Variants in ERI3 observed in about 807,000 individuals in gnomAD.
The protein encoded by ERI3 is ERI1 exoribonuclease family member 3.
ERI3 carries 18 observed loss-of-function variants against 44.4 expected under a neutral mutation model. The observed-to-expected ratio is 0.41, with a 90% confidence interval of 0.28 to 0.60. The LOEUF (loss-of-function observed/expected upper bound fraction) is 0.60. Ranked by LOEUF, ERI3 falls within the 20% of genes least tolerant of loss-of-function variation. The pLI, the probability that ERI3 is intolerant of heterozygous loss-of-function variation, is 0.36. For missense variants in ERI3, 294 were observed against 435.5 expected (o/e 0.68, Z 2.89); for synonymous variants, 183 against 164.8 (o/e 1.11, Z -0.84).
chr1:44,273,007 G>A lies in ERI3; in HGVS notation c.831+11828C>T, dbSNP rs74484592. On this transcript the variant is annotated intron_variant, in intron 7 of 8. Coordinates refer to ENST00000372257, the MANE Select transcript of ERI3 (RefSeq NM_024066.3). ...GAAGAACGAAGGGAATGTCTGTGGC[G>A]TTTTCTGACATTGCTAATAGCTCCT... is the stretch of plus-strand genomic sequence containing the variant. Among the ~76,000 whole-genome samples the A allele has an allele frequency of 7.9e-5, 12 of 152,124 alleles. No homozygotes were observed. The East Asian group carries it at 9.7e-4, about 12-fold the overall frequency.
At chr1:44,348,499 C>A (rs970232378) in intron 2 of ERI3, among the ~76,000 whole-genome samples, 3 of 152,232 alleles carry the variant, frequency 2.0e-5, no homozygotes, top group South Asian at 2.1e-4. Context: ...TTTGATTTTA[C>A]CTGTAGCTGT....
intron 7 of ERI3, among the ~76,000 whole-genome samples, chr1:44,265,519 G>C (rs934192623): frequency 6.6e-6 from 1 of 152,146 alleles, no homozygotes; most frequent in Non-Finnish European, 1.5e-5. Context: ...TTCTCACGGA[G>C]CTCACAATGT....
chr1:44,229,357 C>T (rs1252331901), intron 8 of ERI3, among the ~76,000 whole-genome samples: 5 of 152,176 alleles, frequency 3.3e-5, no homozygotes, highest in Non-Finnish European at 7.3e-5. Context: ...GCAGCACGGA[C>T]ACCACATCTT....
At position 44,338,971 on chromosome 1, in the gene ERI3, T is replaced by A. The variant is rs374549366; in HGVS notation, c.489+74A>T. ...GAAGGCATGAGAAAGCTCCTTTGTG[T>A]CCCAGGAAGCAAAACTATCCTCCCT... On this transcript the variant is annotated intron_variant, in intron 3 of 8. Transcript: ENST00000372257. 8 of 1,539,220 alleles carry A rather than the reference T, an allele frequency of 5.2e-6. No homozygotes were observed. In the African/African-American group the frequency reaches 9.6e-5, roughly 18 times the overall value.
chr1:44,259,724 A>ACACACACACACACACACACACACAC (rs1553185527), intron 7 of ERI3, among the ~76,000 whole-genome samples: 1 of 148,666 alleles, frequency 6.7e-6, no homozygotes, highest in African/African-American at 2.5e-5. Flanking sequence ...ACACACACAC[A>ACACACACACACACACACACACACAC]AATTAGCCAG....
At chr1:44,271,515 G>A (rs961957026) in intron 7 of ERI3, among the ~76,000 whole-genome samples, 2 of 152,206 alleles carry the variant, frequency 1.3e-5, no homozygotes, top group Non-Finnish European at 2.9e-5. Context: ...GGACTCTGGA[G>A]TCTACTGCCT....
chr1:44,317,448 T>C (rs1646113430), intron 4 of ERI3, among the ~76,000 whole-genome samples: 1 of 151,810 alleles, frequency 6.6e-6, no homozygotes, highest in Non-Finnish European at 1.5e-5. Context: ...AAACAAGACT[T>C]TACTTACTTA....
chr1:44,265,152 G>GAGAC (rs1644965801), intron 7 of ERI3, among the ~76,000 whole-genome samples: 1 of 8,994 alleles, frequency 1.1e-4, no homozygotes, highest in Admixed American at 1.3e-3. Context: ...AAGCGGGAAG[G>GAGAC]AGAACAAGTG....
At chr1:44,292,682 T>C (rs988930428) in intron 6 of ERI3, among the ~76,000 whole-genome samples, 1 of 152,226 alleles carries the variant, frequency 6.6e-6, no homozygotes, top group Non-Finnish European at 1.5e-5. Context: ...CTCCTCTGCC[T>C]GCCCACAGCC....
chr1:44,237,651 A>G (rs1033310245), intron 8 of ERI3, among the ~76,000 whole-genome samples: 4 of 152,206 alleles, frequency 2.6e-5, no homozygotes, highest in African/African-American at 9.6e-5. Flanking sequence ...CTAGCTCTCT[A>G]GAACAATCCT....
At chr1:44,319,583 A>G (rs765312688) in intron 4 of ERI3, 45 bp downstream of exon 4, 2 of 1,419,696 alleles carry the variant, frequency 1.4e-6, no homozygotes, top group Non-Finnish European at 2.0e-6. Context: ...GGATTCCAAA[A>G]TTCCCCTCCC....
chr1:44,274,769 G>A (rs1177749184), intron 7 of ERI3, among the ~76,000 whole-genome samples: 1 of 152,166 alleles, frequency 6.6e-6, no homozygotes, highest in Admixed American at 6.5e-5. Flanking sequence ...CCCTCCCAGG[G>A]TTCCAGCATC....
chr1:44,340,550 A>G (rs904636615), intron 2 of ERI3, among the ~76,000 whole-genome samples: 8 of 152,330 alleles, frequency 5.3e-5, no homozygotes, highest in Non-Finnish European at 1.5e-5. Context: ...CAATGAGGCC[A>G]CTACCACCTG....
At chr1:44,258,352 C>A (rs964043788) in intron 7 of ERI3, among the ~76,000 whole-genome samples, 7 of 152,340 alleles carry the variant, frequency 4.6e-5, no homozygotes, top group African/African-American at 1.7e-4. Context: ...GCCACCACCA[C>A]CCACCCAGCC....
At position 44,259,875 on chromosome 1, in the gene ERI3, C is replaced by CTAGATAGATAGA. The variant is rs71036672; in HGVS notation, c.832-11849_832-11838dup. 9.7e-3 allele frequency among the ~76,000 whole-genome samples: 1,320 copies of CTAGATAGATAGA among 135,936 alleles called. 16 individuals are homozygous for CTAGATAGATAGA. The highest frequency in any genetic ancestry group is 0.025 in the Middle Eastern group (7 of 278). 89.2% of individuals were successfully genotyped at this position (135,936 alleles called of 152,430 possible). A position where few individuals can be genotyped will look rare whatever the true frequency, so the allele number is the denominator to read the frequency against. ...AGCCTGAGTGACAGAGGAAAACCCTCTAGATAGATAGATAGATAGATAGAT... is the reference window on the plus strand; with the variant it reads ...AGCCTGAGTGACAGAGGAAAACCCTCTAGATAGATAGATAGATAGATAGATAGATAGATAGAT... On this transcript the variant is annotated intron_variant, in intron 7 of 8. Transcript: ENST00000372257.
chr1:44,276,833 G>A (rs1645188954), intron 7 of ERI3, among the ~76,000 whole-genome samples: 3 of 152,070 alleles, frequency 2.0e-5, no homozygotes, highest in Non-Finnish European at 4.4e-5. Context: ...ACCTCCCTGA[G>A]GAAAATCTCC....
At chr1:44,354,389 T>TATAGCAG in intron 1 of ERI3, 1 of 985,458 alleles carries the variant, frequency 1.0e-6, no homozygotes, top group Non-Finnish European at 1.2e-6. Flanking sequence ...GCAGTTATAT[T>TATAGCAG]TTGCAAGAAC....
chr1:44,250,586 G>A (rs1228476047), intron 7 of ERI3, among the ~76,000 whole-genome samples: 2 of 152,204 alleles, frequency 1.3e-5, no homozygotes, highest in African/African-American at 2.4e-5. Flanking sequence ...TTCAGGAAGG[G>A]CAGTCTGGCT....
chr1:44,333,666 T>C (rs1020259900), intron 3 of ERI3, among the ~76,000 whole-genome samples: 3 of 152,202 alleles, frequency 2.0e-5, no homozygotes, highest in East Asian at 1.9e-4. Flanking sequence ...GAAATCAATA[T>C]AGTTTGCTTT....
Sources: allele counts gnomAD v4.1 joint callset (sites outside exome capture counted in the v4.1 genomes callset), GRCh38; gene constraint gnomAD v4.1.1; transcripts MANE v1.5; gene names NCBI Gene and HGNC (gene_info 2026-07-23, HGNC 2026-07-21).